The following UTRN variants were observed in gnomAD, a reference collection of about 807,000 sequenced individuals.
The protein encoded by UTRN is utrophin, also known as dystrophin-related protein 1.
In UTRN, 283 loss-of-function variants were observed where a neutral mutation model predicts 463.9. That is an observed-to-expected ratio of 0.61 (90% CI 0.55 to 0.67). The LOEUF is 0.67. UTRN is among the 30% of genes least tolerant of loss of function. The probability of loss-of-function intolerance (pLI) is 0.00; values close to 1 mark genes in which losing one functional copy is unlikely to be tolerated. For synonymous variants in UTRN, 1,442 were observed against 1,431.5 expected, an observed-to-expected ratio of 1.01 and a Z score of -0.17; for missense variants, 3,922 against 4,084.3, an observed-to-expected ratio of 0.96 and a Z score of 1.08.
intron 2 of UTRN, among the ~76,000 whole-genome samples, chr6:144,386,351 G>T (rs1164681584): frequency 6.6e-6 from 1 of 152,018 alleles, no homozygotes; most frequent in Non-Finnish European, 1.5e-5. Flanking sequence ...CCAGGTACCT[G>T]GGAGGCAGAG....
At chr6:144,567,256 A>G (rs1035972034) in intron 50 of UTRN, among the ~76,000 whole-genome samples, 1 of 152,182 alleles carries the variant, frequency 6.6e-6, no homozygotes, top group Non-Finnish European at 1.5e-5. Context: ...TGCTGATCCT[A>G]GAAGAGGAGC....
In UTRN at chr6:144,446,771, C is replaced by G. The variant is rs190172126; in HGVS notation, c.1615-440C>G. ...GGTTTTGGGGTGTGGACCCTGGACC[C>G]AGCTCTGCCATTAACTATCCAAGTG... is the stretch of plus-strand genomic sequence containing the variant. On this transcript the variant is annotated intron_variant, in intron 14 of 74. Coordinates refer to ENST00000367545, the MANE Select transcript of UTRN (RefSeq NM_007124.3). Among the ~76,000 whole-genome samples, 3 of 152,346 alleles carry G rather than the reference C, an allele frequency of 2.0e-5. No individual in the cohort carries two copies. The East Asian group carries it at 5.8e-4, about 29-fold the overall frequency.
chr6:144,774,737 A>G (rs531925851), intron 60 of UTRN, among the ~76,000 whole-genome samples: 1 of 152,306 alleles, frequency 6.6e-6, no homozygotes, highest in African/African-American at 2.4e-5. Flanking sequence ...CAATACCACT[A>G]TATATAAAGA....
At chr6:144,600,216 C>T (rs1804101307) in intron 51 of UTRN, among the ~76,000 whole-genome samples, 1 of 152,068 alleles carries the variant, frequency 6.6e-6, no homozygotes, top group Non-Finnish European at 1.5e-5. Flanking sequence ...CATTGGCCTC[C>T]AAGTGTTTAA....
chr6:144,494,382 G>A (rs1793378686), intron 33 of UTRN, among the ~76,000 whole-genome samples: 1 of 152,170 alleles, frequency 6.6e-6, no homozygotes, highest in Non-Finnish European at 1.5e-5. Context: ...TGGGCTTGTG[G>A]TCTCGCTGGC....
chr6:144,305,269 G>T (rs1296835737), intron 2 of UTRN, among the ~76,000 whole-genome samples: 1 of 152,130 alleles, frequency 6.6e-6, no homozygotes, highest in East Asian at 1.9e-4. Context: ...GTATTGAATG[G>T]TACTGTATAT....
chr6:144,819,155 G>A (rs78819995), intron 65 of UTRN, among the ~76,000 whole-genome samples: 4,384 of 152,272 alleles, frequency 0.029, 385 homozygotes, highest in East Asian at 0.25. Context: ...CATGGGGCTG[G>A]CACCTTGTTG....
chr6:144,603,539 T>C (rs547522427), intron 51 of UTRN, among the ~76,000 whole-genome samples: 2 of 152,318 alleles, frequency 1.3e-5, no homozygotes, highest in East Asian at 3.9e-4. Context: ...TTTATTTCCT[T>C]TGAGGTGGTA....
Position 144,291,958 on chromosome 6 carries a change from C to T in UTRN, c.79+51C>T, listed in dbSNP as rs780798380. ...TATGGATTTTTATGTATTTAGAAAACCTATGTTTCTTGGATTGATTTGCAT... is the reference window on the plus strand; with the variant it reads ...TATGGATTTTTATGTATTTAGAAAATCTATGTTTCTTGGATTGATTTGCAT... On this transcript the variant is annotated intron_variant, in intron 2 of 74. Transcript: ENST00000367545. 1.0e-5 allele frequency: 16 copies of T among 1,558,114 alleles called. No individual in the cohort carries two copies. The South Asian group carries it at 1.7e-4, about 16-fold the overall frequency.
chr6:144,536,069 C>A (rs1395746226), intron 43 of UTRN, among the ~76,000 whole-genome samples: 1 of 152,184 alleles, frequency 6.6e-6, no homozygotes, highest in African/African-American at 2.4e-5. Context: ...CGTGAGCCAC[C>A]ATGCCCAGTG....
In UTRN at chr6:144,763,505, G is replaced by A. The variant is rs192116726; in HGVS notation, c.8495+5516G>A. On this transcript the variant is annotated intron_variant, in intron 58 of 74. Transcript: ENST00000367545. Reference sequence around the variant, plus strand: ...GAGCGAGTAGTTGATCTTTATCGCAGTCATACAGTTCATTTGCATAGATTG... The same window carrying A: ...GAGCGAGTAGTTGATCTTTATCGCAATCATACAGTTCATTTGCATAGATTG... Among the ~76,000 whole-genome samples the A allele has an allele frequency of 9.2e-5, 14 of 152,278 alleles. No individual in the cohort carries two copies. The East Asian group carries it at 2.1e-3, about 23-fold the overall frequency.
chr6:144,547,158 T>C (rs1364263044), intron 46 of UTRN, among the ~76,000 whole-genome samples: 4 of 152,248 alleles, frequency 2.6e-5, no homozygotes, highest in Non-Finnish European at 5.9e-5. Context: ...CTATCTCAGT[T>C]ATAGAAGAGG....
chr6:144,824,572 TTA>T (rs71028314), intron 66 of UTRN, among the ~76,000 whole-genome samples: 807 of 37,864 alleles, frequency 0.021, 15 homozygotes, highest in Middle Eastern at 0.056. Flanking sequence ...AGCATTTTAT[TTA>T]TATATATATA....
intron 2 of UTRN, among the ~76,000 whole-genome samples, chr6:144,309,893 C>G (rs1806093514): frequency 6.6e-6 from 1 of 152,244 alleles, no homozygotes; most frequent in South Asian, 2.1e-4. Flanking sequence ...GCAGGCACCT[C>G]CCAGGTCAGG....
intron 52 of UTRN, among the ~76,000 whole-genome samples, chr6:144,679,095 T>C (rs1781952586): frequency 6.6e-6 from 1 of 152,158 alleles, no homozygotes; most frequent in African/African-American, 2.4e-5. Flanking sequence ...TGTTGTTTTT[T>C]ATGCCTCATT....
chr6:144,463,956 A>G (rs1789675306), intron 23 of UTRN, among the ~76,000 whole-genome samples: 1 of 151,604 alleles, frequency 6.6e-6, no homozygotes, highest in Admixed American at 6.6e-5. Context: ...GAATCTATAT[A>G]TATTTAGATG....
chr6:144,346,021 T>TA (rs1355594989), intron 2 of UTRN, among the ~76,000 whole-genome samples: 1 of 151,878 alleles, frequency 6.6e-6, no homozygotes, highest in Non-Finnish European at 1.5e-5. Context: ...CTACTAAAAA[T>TA]ACAAAAATTA....
chr6:144,788,269 C>T (rs1776455684), intron 61 of UTRN, among the ~76,000 whole-genome samples: 2 of 152,002 alleles, frequency 1.3e-5, no homozygotes, highest in South Asian at 4.2e-4. Context: ...ATTAAAATTG[C>T]AATAGTAATT....
chr6:144,338,606 G>A (rs1182634912), intron 2 of UTRN, among the ~76,000 whole-genome samples: 1 of 152,144 alleles, frequency 6.6e-6, no homozygotes, highest in Non-Finnish European at 1.5e-5. Flanking sequence ...TTGAAGCTGG[G>A]CAGGTGCAGG....
Sources: allele counts gnomAD v4.1 joint callset (sites outside exome capture counted in the v4.1 genomes callset), GRCh38; gene constraint gnomAD v4.1.1; transcripts MANE v1.5; gene names NCBI Gene and HGNC (gene_info 2026-07-23, HGNC 2026-07-21).